The following SUPT3H variants were observed in gnomAD, a reference collection of about 807,000 sequenced individuals.
SUPT3H encodes the protein SPT3 homolog, SAGA and STAGA complex component, also known as transcription initiation protein SPT3 homolog.
Under a neutral mutation model 44.3 loss-of-function variants are expected in SUPT3H, and 44 were observed. That is an observed-to-expected ratio of 0.99 (90% CI 0.78 to 1.28). The LOEUF (loss-of-function observed/expected upper bound fraction) is 1.28, where lower values mean the gene tolerates loss of function less well. SUPT3H is among the 50% of genes most tolerant of loss of function. SUPT3H has a pLI of 0.00. For missense variants in SUPT3H, 380 were observed against 387.1 expected (o/e 0.98, Z 0.15); for synonymous variants, 124 against 125.6 (o/e 0.99, Z 0.09).
At chr6:45,081,042 TGTA>T (rs1228271325) in intron 3 of SUPT3H, among the ~76,000 whole-genome samples, 1 of 150,954 alleles carries the variant, frequency 6.6e-6, no homozygotes, top group African/African-American at 2.4e-5. Flanking sequence ...CATATATATA[TGTA>T]CATATATACG....
intron 2 of SUPT3H, among the ~76,000 whole-genome samples, chr6:45,194,065 T>G (rs1286280537): frequency 6.6e-6 from 1 of 152,202 alleles, no homozygotes; most frequent in Non-Finnish European, 1.5e-5. Flanking sequence ...GACAACTTTT[T>G]GTTGATCATT....
intron 2 of SUPT3H, among the ~76,000 whole-genome samples, chr6:45,198,332 A>G (rs2153623632): frequency 6.6e-6 from 1 of 151,536 alleles, no homozygotes; most frequent in South Asian, 2.1e-4. Context: ...ATAAATGTCT[A>G]CCTCATTTGC....
At chr6:45,012,413 T>C (rs1783622760) in intron 5 of SUPT3H, among the ~76,000 whole-genome samples, 3 of 152,168 alleles carry the variant, frequency 2.0e-5, no homozygotes, top group South Asian at 4.1e-4. Flanking sequence ...TCAGATTCTT[T>C]CTTCTGCCAG....
chr6:44,887,341 A>G (rs758718185), intron 10 of SUPT3H, among the ~76,000 whole-genome samples: 64 of 152,086 alleles, frequency 4.2e-4, no homozygotes, highest in Non-Finnish European at 4.9e-4. Context: ...CACCACACCT[A>G]CTCCAAAATT....
rs373171729 is a variant in SUPT3H at position 44,901,888 on chromosome 6, G to A, written c.912+30765C>T. Among the ~76,000 whole-genome samples the A allele has an allele frequency of 1.0e-2, 1,513 of 151,996 alleles. 14 individuals are homozygous for A. The highest frequency in any genetic ancestry group is 0.012 in the Non-Finnish European group (843 of 67,956). ...AATATTCAACATTCTTAAAGAAAAG[G>A]ATTTTCAACCCAGAATTTCATATCC... On this transcript the variant is annotated intron_variant, in intron 10 of 10. Transcript: ENST00000371459.
intron 1 of SUPT3H, among the ~76,000 whole-genome samples, chr6:45,369,631 T>A (rs2150301575): frequency 6.6e-6 from 1 of 152,256 alleles, no homozygotes; most frequent in Admixed American, 6.5e-5. Flanking sequence ...GACACACTCT[T>A]ATTTAAAGCC....
intron 10 of SUPT3H, among the ~76,000 whole-genome samples, chr6:44,914,914 G>A (rs1055499573): frequency 4.6e-5 from 7 of 152,294 alleles, no homozygotes; most frequent in Admixed American, 2.0e-4. Flanking sequence ...GTGGGTCAAA[G>A]CTTAGGACTA....
chr6:45,314,005 T>C (rs960200022), intron 2 of SUPT3H, among the ~76,000 whole-genome samples: 4 of 152,160 alleles, frequency 2.6e-5, no homozygotes, highest in East Asian at 1.9e-4. Flanking sequence ...AGTCAATAAA[T>C]ATATTTCACC....
intron 3 of SUPT3H, among the ~76,000 whole-genome samples, chr6:45,099,901 T>C (rs1798308580): frequency 6.6e-6 from 1 of 152,122 alleles, no homozygotes; most frequent in Non-Finnish European, 1.5e-5. Flanking sequence ...CATTTACATA[T>C]CATTTTAGAT....
chr6:44,992,025 G>C (rs1054801942), intron 6 of SUPT3H, among the ~76,000 whole-genome samples: 1 of 151,998 alleles, frequency 6.6e-6, no homozygotes, highest in South Asian at 2.1e-4. Flanking sequence ...AAATATTCAA[G>C]GCAAAAATAT....
intron 3 of SUPT3H, among the ~76,000 whole-genome samples, chr6:45,100,871 T>C (rs1798470754): frequency 6.6e-6 from 1 of 152,150 alleles, no homozygotes; most frequent in Non-Finnish European, 1.5e-5. Flanking sequence ...GAAAACAGTA[T>C]GCCAAAGATA....
chr6:45,207,937 T>C (rs1763450895), intron 2 of SUPT3H, among the ~76,000 whole-genome samples: 1 of 152,158 alleles, frequency 6.6e-6, no homozygotes, highest in African/African-American at 2.4e-5. Flanking sequence ...AAAGTTTTAC[T>C]TCTTCTACTT....
chr6:44,954,210 C>T (rs1774763635), intron 8 of SUPT3H, among the ~76,000 whole-genome samples: 2 of 152,172 alleles, frequency 1.3e-5, no homozygotes, highest in Admixed American at 1.3e-4. Context: ...AATCTCTAAA[C>T]AAGGCAGATG....
chr6:44,985,752 C>T (rs1027564603), intron 6 of SUPT3H, among the ~76,000 whole-genome samples: 2 of 152,066 alleles, frequency 1.3e-5, no homozygotes, highest in African/African-American at 4.8e-5. Flanking sequence ...TTTCTCCTTC[C>T]AACAAGTACA....
At chr6:44,900,434 T>C (rs486085) in intron 10 of SUPT3H, among the ~76,000 whole-genome samples, 141,639 of 152,290 alleles carry the variant, frequency 0.93, 66,740 homozygotes, top group East Asian at 1. Flanking sequence ...GCTAGCACAG[T>C]AGTCTGAGAT....
At chr6:45,214,545 T>C (rs1764717635) in intron 2 of SUPT3H, among the ~76,000 whole-genome samples, 1 of 152,034 alleles carries the variant, frequency 6.6e-6, no homozygotes, top group African/African-American at 2.4e-5. Flanking sequence ...GTACAGACAA[T>C]TTTGAAATAA....
At chr6:44,865,249 A>G (rs1023949934) in intron 10 of SUPT3H, among the ~76,000 whole-genome samples, 3 of 152,178 alleles carry the variant, frequency 2.0e-5, no homozygotes, top group African/African-American at 7.2e-5. Context: ...AAAGCCATTC[A>G]GCAAGTCTCT....
chr6:45,067,643 G>A (rs1190286869), intron 3 of SUPT3H, among the ~76,000 whole-genome samples: 1 of 151,040 alleles, frequency 6.6e-6, no homozygotes, highest in Non-Finnish European at 1.5e-5. Context: ...CCATCAAAAA[G>A]TGGGCGAAGG....
At chr6:44,810,150 AT>A (rs566382315) in intron 11 of SUPT3H, among the ~76,000 whole-genome samples, 1,972 of 152,314 alleles carry the variant, frequency 0.013, 25 homozygotes, top group Middle Eastern at 0.02. Flanking sequence ...AATAAAAAAA[AT>A]AATGTTGCCT....
Sources: gnomAD v4.1 joint callset for allele counts (sites outside exome capture counted in the v4.1 genomes callset) on GRCh38, gnomAD v4.1.1 for gene constraint, MANE v1.5 for transcripts, NCBI Gene and HGNC (gene_info 2026-07-23, HGNC 2026-07-21) for gene names.